Variants in SCUBE3 observed in about 807,000 individuals in gnomAD.
SCUBE3 encodes signal peptide, CUB and EGF-like domain-containing protein 3.
In SCUBE3, 33 loss-of-function variants were observed where a neutral mutation model predicts 116.8. That is an observed-to-expected ratio of 0.28 (90% CI 0.21 to 0.38). SCUBE3 has a LOEUF of 0.38. SCUBE3 is among the 10% of genes least tolerant of loss of function. The probability of loss-of-function intolerance (pLI) is 1.00; values close to 1 mark genes in which losing one functional copy is unlikely to be tolerated. For synonymous variants in SCUBE3, 418 were observed against 496.9 expected (o/e 0.84, Z 2.11); for missense variants, 1,007 against 1,324.8 (o/e 0.76, Z 3.72).
chr6:35,247,477 G>C (rs16868699), intron 21 of SCUBE3, among the ~76,000 whole-genome samples: 13,876 of 148,542 alleles, frequency 0.093, 1,364 homozygotes, highest in African/African-American at 0.25. Context: ...CGTAGTCATA[G>C]AATTATCCTT....
chr6:35,216,137 G>C (rs899661095), intron 1 of SCUBE3, among the ~76,000 whole-genome samples: 2 of 152,324 alleles, frequency 1.3e-5, no homozygotes, highest in Middle Eastern at 3.4e-3. Flanking sequence ...CAGTGTATTC[G>C]AGGGGGGCCC....
intron 1 of SCUBE3, chr6:35,221,868 G>A (rs1270915993): frequency 2.0e-5 from 3 of 152,260 alleles, no homozygotes; most frequent in Non-Finnish European, 4.4e-5. Flanking sequence ...TAGGAGTCAA[G>A]AGAAAGAGTA....
chr6:35,228,608 C>T lies in SCUBE3; in HGVS notation c.209-6C>T. On this transcript the variant is annotated splice_polypyrimidine_tract_variant and splice_region_variant and intron_variant, in intron 2 of 21. Coordinates refer to ENST00000274938, the MANE Select transcript of SCUBE3 (RefSeq NM_152753.4). This position sits in a 1 kb window ranked among gnomAD's most constrained non-coding sequence, Gnocchi z 4.9. ...TTCAGCTGTCTCAGCTTCCCTTTGC[C>T]CACAGACGTGGATGAGTGCGAGCGA... The T allele has an allele frequency of 6.2e-7, 1 of 1,613,480 alleles. No homozygotes were observed. Among genetic ancestry groups the T allele is most frequent in the Non-Finnish European group, 8.5e-7 (1 of 1,179,664 alleles).
chr6:35,240,480 C>T lies in SCUBE3; in HGVS notation c.1059C>T (p.Thr353=). The T allele has an allele frequency of 6.3e-7, 1 of 1,585,600 alleles. No individual in the cohort carries two copies. The highest frequency in any genetic ancestry group is 1.3e-5 in the African/African-American group (1 of 74,232). Residue 353 remains threonine, a synonymous_variant, in exon 9 of 22, where the codon ACC becomes ACT. Coordinates refer to ENST00000274938, the MANE Select transcript of SCUBE3 (RefSeq NM_152753.4). The surrounding 1 kb of genome is among the most constrained non-coding windows in gnomAD (Gnocchi z 4.6). The stretch of plus-strand genomic sequence containing the variant: ...GTGGCTACCTGTTGTATGGTATCAC[C>T]CACTGTGGGGGTAAGCTAGTAAGCT... ...CHRGYLLYGI[T]HCGDVDECSI...
At chr6:35,224,106 A>G (rs906828423) in intron 1 of SCUBE3, 6 of 152,288 alleles carry the variant, frequency 3.9e-5, no homozygotes, top group Non-Finnish European at 7.3e-5. Context: ...AAAGCTGAGC[A>G]TAGTGTGGCT....
rs367846970 is a variant in SCUBE3, at chr6:35,218,715, G to C, written c.85+4212G>C. On this transcript the variant is annotated intron_variant, in intron 1 of 21. Coordinates refer to ENST00000274938, the MANE Select transcript of SCUBE3 (RefSeq NM_152753.4). ...CAACGGCCAACCCAGGGATGTCTAG[G>C]GGGTACAGGAGCTAGTCACCTGGGC... 4.6e-5 allele frequency among the ~76,000 whole-genome samples: 7 copies of C among 152,206 alleles called. No homozygotes were observed. In the East Asian group the frequency reaches 9.7e-4, roughly 21 times the overall value.
In SCUBE3 at chr6:35,228,779, T is replaced by C; in HGVS notation, c.334+40T>C. The C allele has an allele frequency of 6.2e-7, 1 of 1,601,762 alleles. No individual in the cohort carries two copies. The highest frequency in any genetic ancestry group is 8.6e-7 in the Non-Finnish European group (1 of 1,168,978). ...GGGGATTTGGTGGAGGGATGTCTTGTGGAGAAAGAGATCTTTTCAGCATTT... is the reference window on the plus strand; with the variant it reads ...GGGGATTTGGTGGAGGGATGTCTTGCGGAGAAAGAGATCTTTTCAGCATTT... On this transcript the variant is annotated intron_variant, in intron 3 of 21. Transcript: ENST00000274938. The surrounding 1 kb of genome is among the most constrained non-coding windows in gnomAD (Gnocchi z 4.9).
At position 35,243,354 on chromosome 6, in the gene SCUBE3, C is replaced by G. The variant is rs755786573; in HGVS notation, c.1909+118C>G. ...CAAATTATGAGGCAGCCAGGATGCT[C>G]CTGCCCGCTGTCCTCCCTTCCTTGG... is the stretch of plus-strand genomic sequence containing the variant. On this transcript the variant is annotated intron_variant, in intron 15 of 21. Transcript: ENST00000274938. This position sits in a 1 kb window ranked among gnomAD's most constrained non-coding sequence, Gnocchi z 6.6. 1.2e-3 allele frequency: 1,113 copies of G among 949,752 alleles called. 3 individuals carry two copies. The highest frequency in any genetic ancestry group is 1.6e-3 in the Non-Finnish European group (1,024 of 625,610). 58.8% of individuals were successfully genotyped at this position (949,752 alleles called of 1,614,324 possible). A position where few individuals can be genotyped will look rare whatever the true frequency, so the allele number is the denominator to read the frequency against.
In SCUBE3 at chr6:35,241,397, G is replaced by A. The variant is rs1436298792; in HGVS notation, c.1195+131G>A. ...AGGGTGGAGAATGTAGCCATTTTGA[G>A]TTAAAGACATGAAATTTGTAGTAAA... On this transcript the variant is annotated intron_variant, in intron 10 of 21. Coordinates refer to ENST00000274938, the MANE Select transcript of SCUBE3 (RefSeq NM_152753.4). This position sits in a 1 kb window ranked among gnomAD's most constrained non-coding sequence, Gnocchi z 4.1. The A allele has an allele frequency of 1.5e-5, 18 of 1,205,712 alleles. No homozygotes were observed. In the East Asian group the frequency reaches 3.8e-4, roughly 25 times the overall value. The allele number at this position is 1,205,712 out of a possible 1,614,324, so 74.7% of individuals were successfully genotyped here.
chr6:35,226,787 T>G (rs1297942631), intron 1 of SCUBE3, among the ~76,000 whole-genome samples: 1 of 152,192 alleles, frequency 6.6e-6, no homozygotes, highest in African/African-American at 2.4e-5. Context: ...ATCATCTATG[T>G]CCTTTCCTAA....
In SCUBE3 at chr6:35,239,520, A is replaced by C. The variant is rs193040454; in HGVS notation, c.830-232A>C. Among the ~76,000 whole-genome samples, 27 of 152,268 alleles carry C rather than the reference A, an allele frequency of 1.8e-4. No individual in the cohort carries two copies. Among genetic ancestry groups the C allele is most frequent in the African/African-American group, 6.0e-4 (25 of 41,554 alleles). On this transcript the variant is annotated intron_variant, in intron 7 of 21. Coordinates refer to ENST00000274938, the MANE Select transcript of SCUBE3 (RefSeq NM_152753.4). The surrounding 1 kb of genome is among the most constrained non-coding windows in gnomAD (Gnocchi z 4.1). ...CCTTATAAGAACACTCAATCCCAGA[A>C]GAGAGGGTGTTACTAATGGCCACAG...
intron 7 of SCUBE3, among the ~76,000 whole-genome samples, chr6:35,238,717 C>T (rs1329260662): frequency 6.6e-6 from 1 of 152,172 alleles, no homozygotes; most frequent in Non-Finnish European, 1.5e-5. Flanking sequence ...ATTCTGTTTC[C>T]CTTCCTTTTA....
In SCUBE3 at chr6:35,219,284, T is replaced by C. The variant is rs1465836723; in HGVS notation, c.85+4781T>C. Among the ~76,000 whole-genome samples the C allele has an allele frequency of 5.9e-5, 9 of 152,218 alleles. No homozygotes were observed. Among genetic ancestry groups the C allele is most frequent in the Admixed American group, 5.9e-4 (9 of 15,280 alleles). On this transcript the variant is annotated intron_variant, in intron 1 of 21. Transcript: ENST00000274938. This position sits in a 1 kb window ranked among gnomAD's most constrained non-coding sequence, Gnocchi z 4.7. ...AAGTGGAGCTGAAATATCCGTGTTATGGGAACTGAATATTCTTGGATCTGG... is the reference window on the plus strand; with the variant it reads ...AAGTGGAGCTGAAATATCCGTGTTACGGGAACTGAATATTCTTGGATCTGG...
Position 35,214,514 on chromosome 6 carries a change from A to C in SCUBE3, c.85+11A>C. 6.8e-7 allele frequency: 1 copy of C among 1,463,560 alleles called. No homozygotes were observed. The allele number at this position is 1,463,560 out of a possible 1,614,324, so 90.7% of individuals were successfully genotyped here. The stretch of plus-strand genomic sequence containing the variant: ...GCAAAGCCGCGCAAGGTAAGGAAGG[A>C]GGGGCGCGCGGCCTGGGGGCTGTCC... On this transcript the variant is annotated intron_variant, in intron 1 of 21. Coordinates refer to ENST00000274938, the MANE Select transcript of SCUBE3 (RefSeq NM_152753.4). The surrounding 1 kb of genome is among the most constrained non-coding windows in gnomAD (Gnocchi z 6.3).
chr6:35,244,258 C>A lies in SCUBE3; in HGVS notation c.2239+128C>A. ...ACCAGTAATGGGCCCAGCTACTTGA[C>A]CAACCATACCATCCTGCTTCCAGGA... is the stretch of plus-strand genomic sequence containing the variant. On this transcript the variant is annotated intron_variant, in intron 17 of 21. Transcript: ENST00000274938. The surrounding 1 kb of genome is among the most constrained non-coding windows in gnomAD (Gnocchi z 4.3). 1 of 773,926 alleles carries A rather than the reference C, an allele frequency of 1.3e-6. No homozygotes were observed. Among genetic ancestry groups the A allele is most frequent in the Admixed American group, 2.6e-5 (1 of 39,086 alleles). The allele number at this position is 773,926 out of a possible 1,614,324, so 47.9% of individuals were successfully genotyped here.
rs1458336788 is a variant in SCUBE3 at position 35,241,488 on chromosome 6, C to T, written c.1196-55C>T. ...GCAAGTAGCTGATTCCTCCAAATTA[C>T]CCAACTGAGGGAAAGGAATGCATTC... On this transcript the variant is annotated intron_variant, in intron 10 of 21. Coordinates refer to ENST00000274938, the MANE Select transcript of SCUBE3 (RefSeq NM_152753.4). This position sits in a 1 kb window ranked among gnomAD's most constrained non-coding sequence, Gnocchi z 4.1. 7.6e-7 allele frequency: 1 copy of T among 1,321,272 alleles called. No homozygotes were observed. The highest frequency in any genetic ancestry group is 1.1e-6 in the Non-Finnish European group (1 of 913,518). 81.8% of individuals were successfully genotyped at this position (1,321,272 alleles called of 1,614,324 possible).
In SCUBE3 at chr6:35,250,833, T is replaced by C. The variant is rs1562065473; in HGVS notation, c.*2128T>C. 1 of 152,000 alleles carries C rather than the reference T, an allele frequency of 6.6e-6. No homozygotes were observed. Among genetic ancestry groups the C allele is most frequent in the Non-Finnish European group, 1.5e-5 (1 of 68,006 alleles). The allele number at this position is 152,000 out of a possible 1,614,324, so 9.4% of individuals were successfully genotyped here. On this transcript the variant is annotated 3_prime_UTR_variant, in exon 22 of 22. Coordinates refer to ENST00000274938, the MANE Select transcript of SCUBE3 (RefSeq NM_152753.4). ...AGACTCAACACTAAATAAAGGAGTCTGACTCCCTGCCCTCCCATCAGTAGC... is the reference window on the plus strand; with the variant it reads ...AGACTCAACACTAAATAAAGGAGTCCGACTCCCTGCCCTCCCATCAGTAGC...
chr6:35,246,716 C>G (rs1332621721), intron 21 of SCUBE3, among the ~76,000 whole-genome samples: 13 of 152,270 alleles, frequency 8.5e-5, no homozygotes, highest in African/African-American at 3.1e-4. Flanking sequence ...TGGTTCACGC[C>G]TGTCATCCCA....
At position 35,214,469 on chromosome 6, in the gene SCUBE3, C is replaced by T. The variant is rs1782806163; in HGVS notation, c.51C>T (p.His17=). Residue 17 remains histidine (H), a synonymous_variant, in exon 1 of 22, where the codon CAC becomes CAT. Coordinates refer to ENST00000274938, the MANE Select transcript of SCUBE3 (RefSeq NM_152753.4). The surrounding 1 kb of genome is among the most constrained non-coding windows in gnomAD (Gnocchi z 6.3). The part of the protein sequence containing the change: ...PGLCLLVLLV[H]ARAAQYSKAA... ...TCTGCCTGCTTGTCCTGCTGGTCCA[C>T]GCCCGCGCCGCCCAGTACAGCAAAG... is the stretch of plus-strand genomic sequence containing the variant. 2.0e-6 allele frequency: 3 copies of T among 1,507,360 alleles called. No individual in the cohort carries two copies. Among genetic ancestry groups the T allele is most frequent in the Non-Finnish European group, 1.8e-6 (2 of 1,132,626 alleles). 93.4% of individuals were successfully genotyped at this position (1,507,360 alleles called of 1,614,324 possible).
Sources: gnomAD v4.1 joint callset for allele counts (sites outside exome capture counted in the v4.1 genomes callset) on GRCh38, gnomAD v4.1.1 for gene constraint, Gnocchi (gnomAD v3.1) non-coding constraint, MANE v1.5 for transcripts, NCBI Gene and HGNC (gene_info 2026-07-23, HGNC 2026-07-21) for gene names.